Variants in INTS2 observed in about 807,000 individuals in gnomAD.
INTS2 encodes the protein KIAA1287.
INTS2 carries 57 observed loss-of-function variants against 139.6 expected under a neutral mutation model. The ratio of observed to expected loss-of-function variants is 0.41; its 90% CI spans 0.33 to 0.51. The LOEUF (loss-of-function observed/expected upper bound fraction) is 0.51. Ranked by LOEUF, INTS2 falls within the 20% of genes least tolerant of loss-of-function variation. The pLI is 0.28. For synonymous variants in INTS2, 473 were observed against 493.4 expected, an observed-to-expected ratio of 0.96 and a Z score of 0.55; for missense variants, 1,196 against 1,436.7, an observed-to-expected ratio of 0.83 and a Z score of 2.71.
At chr17:61,914,070 T>C (rs981890006) in intron 5 of INTS2, among the ~76,000 whole-genome samples, 5 of 149,918 alleles carry the variant, frequency 3.3e-5, no homozygotes, top group African/African-American at 1.2e-4. Context: ...GTCTAAACAC[T>C]CCAATTAAAA....
At chr17:61,892,320 G>A (rs1179332345) in intron 13 of INTS2, among the ~76,000 whole-genome samples, 1 of 152,162 alleles carries the variant, frequency 6.6e-6, no homozygotes, top group African/African-American at 2.4e-5. Flanking sequence ...GTAAATATCT[G>A]AAAAAGTTTC....
intron 8 of INTS2, among the ~76,000 whole-genome samples, chr17:61,906,151 A>T (rs1294068468): frequency 6.6e-6 from 1 of 152,176 alleles, no homozygotes; most frequent in Non-Finnish European, 1.5e-5. Flanking sequence ...AAAACCTAAA[A>T]TCTGAAATGC....
rs1253578508 is a variant in INTS2 at position 61,907,539 on chromosome 17, T to G, written c.1050A>C (p.Arg350=). ...TATCCACATCAGCTTCTTCCACAAT[T>G]CGGGTGCTTCTTACTGTGGGAAGAA... The part of the protein sequence containing the change: ...MGILPTVRST[R]IVEEADVDME... Residue 350 remains arginine, a synonymous_variant, in exon 8 of 25, where the codon CGA becomes CGC. Coordinates refer to ENST00000251334, the MANE Select transcript of INTS2 (RefSeq NM_001351695.2). 3 of 1,594,918 alleles carry G rather than the reference T, an allele frequency of 1.9e-6. No homozygotes were observed. The highest frequency in any genetic ancestry group is 2.7e-5 in the African/African-American group (2 of 74,806).
intron 4 of INTS2, 124 bp from the exon 5 acceptor site, chr17:61,919,637 T>A (rs1307985291): frequency 1.7e-6 from 1 of 596,752 alleles, no homozygotes; most frequent in Non-Finnish European, 3.0e-6. Context: ...TCTCAAACTT[T>A]GGCCTCAAGT....
chr17:61,907,695 A>T, intron 7 of INTS2, 61 bp from the exon 8 acceptor site: 3 of 1,334,356 alleles, frequency 2.2e-6, no homozygotes, highest in Non-Finnish European at 3.1e-6. Flanking sequence ...ACTAAAAGGG[A>T]GCTAAAACAT....
At position 61,921,670 on chromosome 17, in the gene INTS2, G is replaced by A. The variant is rs9900745; in HGVS notation, c.535+55C>T. 8.1e-3 allele frequency: 6,807 copies of A among 839,958 alleles called. 313 individuals carry two copies. In the African/African-American group the frequency reaches 0.1, roughly 12 times the overall value. 52.0% of individuals were successfully genotyped at this position (839,958 alleles called of 1,614,324 possible). ...GCATACCAGGCTAAGAAGTTACACA[G>A]TATCATTTAACAAGAAACTATATAT... On this transcript the variant is annotated intron_variant, in intron 4 of 24. Coordinates refer to ENST00000251334, the MANE Select transcript of INTS2 (RefSeq NM_001351695.2).
intron 9 of INTS2, among the ~76,000 whole-genome samples, chr17:61,900,201 T>C (rs2079390742): frequency 6.6e-6 from 1 of 152,152 alleles, no homozygotes; most frequent in Non-Finnish European, 1.5e-5. Flanking sequence ...AACCCATCCA[T>C]TTTATACCAC....
At chr17:61,886,867 A>G (rs1311749917) in intron 15 of INTS2, among the ~76,000 whole-genome samples, 1 of 152,248 alleles carries the variant, frequency 6.6e-6, no homozygotes, top group Non-Finnish European at 1.5e-5. Context: ...AAGTGTTAGA[A>G]TAAAGGTTGA....
Position 61,927,818 on chromosome 17 carries a change from C to T in INTS2, c.-183G>A. On this transcript the variant is annotated 5_prime_UTR_variant, in exon 1 of 25. Coordinates refer to ENST00000251334, the MANE Select transcript of INTS2 (RefSeq NM_001351695.2). ...TCGACTCGGACACCAAGAACTCAGACGCCGGGACCAACCGGGTTGTCGATA... is the reference window on the plus strand; with the variant it reads ...TCGACTCGGACACCAAGAACTCAGATGCCGGGACCAACCGGGTTGTCGATA... The T allele has an allele frequency of 6.2e-7, 1 of 1,611,182 alleles. No homozygotes were observed. The highest frequency in any genetic ancestry group is 8.5e-7 in the Non-Finnish European group (1 of 1,178,300).
At chr17:61,907,165 G>T (rs1418835167) in intron 8 of INTS2, among the ~76,000 whole-genome samples, 1 of 152,048 alleles carries the variant, frequency 6.6e-6, no homozygotes, top group African/African-American at 2.4e-5. Context: ...ATTGGAAATT[G>T]ATAAACTGCT....
chr17:61,887,003 G>A (rs779374154), intron 15 of INTS2, among the ~76,000 whole-genome samples: 4 of 152,106 alleles, frequency 2.6e-5, no homozygotes, highest in Admixed American at 6.6e-5. Context: ...AAAATCAGAA[G>A]GCAGTTAAAA....
In INTS2 at chr17:61,893,788, TA is replaced by T; in HGVS notation, c.1674del (p.Phe558LeufsTer8). The T allele has an allele frequency of 6.3e-7, 1 of 1,590,272 alleles. No individual in the cohort carries two copies. Among genetic ancestry groups the T allele is most frequent in the South Asian group, 1.2e-5 (1 of 86,932 alleles). The stretch of plus-strand genomic sequence containing the variant: ...ACTTTTATTGACACTTTGTGCTTGG[TA>T]AAGGAACGGCTCCTGAGAAGCTGGT... ...CIYQLLRSRS[F>X]TKHKVSIKDW... is the part of the protein sequence containing the mutation. On this transcript the variant is annotated frameshift_variant, in exon 13 of 25. Coordinates refer to ENST00000251334, the MANE Select transcript of INTS2 (RefSeq NM_001351695.2). LOFTEE classifies it high-confidence loss of function. This position sits in a 1 kb window ranked among gnomAD's most constrained non-coding sequence, Gnocchi z 5.4.
intron 9 of INTS2, among the ~76,000 whole-genome samples, chr17:61,898,611 A>T (rs1407523353): frequency 6.6e-6 from 1 of 151,380 alleles, no homozygotes; most frequent in Non-Finnish European, 1.5e-5. Flanking sequence ...ATGACTTTTT[A>T]AAGGGAATTC....
chr17:61,891,720 A>C (rs1197574438), intron 13 of INTS2, 31 bp from the exon 14 acceptor site: 2 of 1,520,468 alleles, frequency 1.3e-6, no homozygotes, highest in East Asian at 4.6e-5. Context: ...CACTGAATTA[A>C]TTGTGGCAAA....
Position 61,870,041 on chromosome 17 carries a change from A to G in INTS2, c.2779-53T>C, listed in dbSNP as rs1407274287. On this transcript the variant is annotated intron_variant, in intron 20 of 24. Coordinates refer to ENST00000251334, the MANE Select transcript of INTS2 (RefSeq NM_001351695.2). This position sits in a 1 kb window ranked among gnomAD's most constrained non-coding sequence, Gnocchi z 4.4. ...TAAGAAGTTTCTAAGAAGTTAAAAA[A>G]CAAATCAGATTTTATTTTCACATGA... 4 of 1,493,260 alleles carry G rather than the reference A, an allele frequency of 2.7e-6. No homozygotes were observed. The Admixed American group carries it at 8.5e-5, about 32-fold the overall frequency. 92.5% of individuals were successfully genotyped at this position (1,493,260 alleles called of 1,614,324 possible).
At chr17:61,877,077 TAGA>T (rs982301521) in intron 18 of INTS2, among the ~76,000 whole-genome samples, 3 of 152,296 alleles carry the variant, frequency 2.0e-5, no homozygotes, top group Non-Finnish European at 2.9e-5. Context: ...CAATGTGTAT[TAGA>T]AGAAGTGGGA....
intron 9 of INTS2, among the ~76,000 whole-genome samples, chr17:61,902,047 G>C (rs1369659641): frequency 6.6e-6 from 1 of 152,184 alleles, no homozygotes; most frequent in Admixed American, 6.6e-5. Context: ...TCAGGACTTT[G>C]AAGGTGTTGC....
In INTS2 at chr17:61,926,311, T is replaced by C. The variant is rs774752826; in HGVS notation, c.293+41A>G. On this transcript the variant is annotated intron_variant, in intron 2 of 24. Transcript: ENST00000251334. ...TAAAAAATATCTGATTCCCTGTTCT[T>C]TGTCAAATCCAAATCCACATATAAT... 9 of 1,464,708 alleles carry C rather than the reference T, an allele frequency of 6.1e-6. No individual in the cohort carries two copies. The African/African-American group carries it at 9.9e-5, about 16-fold the overall frequency. 90.7% of individuals were successfully genotyped at this position (1,464,708 alleles called of 1,614,324 possible). A position where few individuals can be genotyped will look rare whatever the true frequency, so the allele number is the denominator to read the frequency against.
chr17:61,895,699 T>G (rs1164499398), intron 11 of INTS2, among the ~76,000 whole-genome samples: 1 of 152,156 alleles, frequency 6.6e-6, no homozygotes, highest in African/African-American at 2.4e-5. Context: ...TGTATGTGTG[T>G]GTCTGTGTCT....
Sources: gnomAD v4.1 joint callset for allele counts (sites outside exome capture counted in the v4.1 genomes callset) on GRCh38, gnomAD v4.1.1 for gene constraint, Gnocchi (gnomAD v3.1) non-coding constraint, MANE v1.5 for transcripts, NCBI Gene and HGNC (gene_info 2026-07-23, HGNC 2026-07-21) for gene names.